Variants in PPM1A observed in about 807,000 individuals in gnomAD.
The protein encoded by PPM1A is protein phosphatase 1A.
In PPM1A, 7 loss-of-function variants were observed where a neutral mutation model predicts 35.0. The ratio of observed to expected loss-of-function variants is 0.20; its 90% CI spans 0.11 to 0.38. The LOEUF is 0.38. Among genes scored for constraint, PPM1A ranks in the 10% least tolerant of loss-of-function variants. The pLI is 1.00. For missense variants in PPM1A, 239 were observed against 467.8 expected (o/e 0.51, Z 4.51); for synonymous variants, 153 against 167.3 (o/e 0.91, Z 0.66).
chr14:60,298,447 AAT>A lies in PPM1A; in HGVS notation c.*5969_*5970del, dbSNP rs1292027639. 6.6e-6 allele frequency: 1 copy of A among 151,766 alleles called. No individual in the cohort carries two copies. The highest frequency in any genetic ancestry group is 1.9e-4 in the East Asian group (1 of 5,196). 9.4% of individuals were successfully genotyped at this position (151,766 alleles called of 1,614,324 possible). On this transcript the variant is annotated 3_prime_UTR_variant, in exon 6 of 6. Coordinates refer to ENST00000395076, the MANE Select transcript of PPM1A (RefSeq NM_021003.5). ...TGCACACAGTTAATGAGATTTCTAA[AAT>A]ATAATAAGTACAATGTAACAAACGT... is the stretch of plus-strand genomic sequence containing the variant.
intron 1 of PPM1A, chr14:60,268,366 A>G: frequency 3.1e-6 from 3 of 973,540 alleles, no homozygotes; most frequent in Non-Finnish European, 3.7e-6. Flanking sequence ...TTTCCTCCAT[A>G]TTTTCAAATT....
chr14:60,287,232 T>C, intron 3 of PPM1A: 3 of 956,554 alleles, frequency 3.1e-6, no homozygotes, highest in Non-Finnish European at 3.7e-6. Flanking sequence ...ATATTCACTT[T>C]ACGTTATTTT....
chr14:60,268,531 A>G, intron 1 of PPM1A: 1 of 370,796 alleles, frequency 2.7e-6, no homozygotes, highest in Non-Finnish European at 3.7e-6. Flanking sequence ...TATAACATGT[A>G]CTATAATTTT....
chr14:60,264,719 G>A (rs1005742524), intron 1 of PPM1A, among the ~76,000 whole-genome samples: 7 of 151,848 alleles, frequency 4.6e-5, no homozygotes, highest in Non-Finnish European at 7.4e-5. Flanking sequence ...GTTCTAGGTG[G>A]TTCCTCAGTA....
Position 60,249,902 on chromosome 14 carries a change from G to C in PPM1A, c.-21+225G>C, listed in dbSNP as rs1369498552. On this transcript the variant is annotated intron_variant, in intron 1 of 5. Transcript: ENST00000395076. This position sits in a 1 kb window ranked among gnomAD's most constrained non-coding sequence, Gnocchi z 4.5. ...GGGCGGTGGCGGGGAGGCGGGGGCGGGGTGTTAGTTGCGGTGGCGCGGGGA... is the reference window on the plus strand; with the variant it reads ...GGGCGGTGGCGGGGAGGCGGGGGCGCGGTGTTAGTTGCGGTGGCGCGGGGA... Among the ~76,000 whole-genome samples the C allele has an allele frequency of 6.6e-6, 1 of 151,562 alleles. No homozygotes were observed. Among genetic ancestry groups the C allele is most frequent in the Admixed American group, 6.6e-5 (1 of 15,238 alleles).
Position 60,267,362 on chromosome 14 carries a change from G to A in PPM1A, c.-20-15322G>A, listed in dbSNP as rs372387963. The A allele has an allele frequency of 1.2e-4, 19 of 152,126 alleles. No individual in the cohort carries two copies. In the South Asian group the frequency reaches 3.3e-3, roughly 27 times the overall value. 9.4% of individuals were successfully genotyped at this position (152,126 alleles called of 1,614,324 possible). On this transcript the variant is annotated intron_variant, in intron 1 of 5. Transcript: ENST00000395076. ...ATATGATGAGATGATCATATGGATT[G>A]TTTTTAACTTTTAAAAAGATGACTT...
chr14:60,249,270 G>A lies in PPM1A; in HGVS notation c.-428G>A, dbSNP rs1320370578. On this transcript the variant is annotated 5_prime_UTR_variant, in exon 1 of 6. Transcript: ENST00000395076. This position sits in a 1 kb window ranked among gnomAD's most constrained non-coding sequence, Gnocchi z 4.5. The stretch of plus-strand genomic sequence containing the variant: ...GGCGCTAGGGACGGGAGCGCGCGCG[G>A]GAGCTAGAGAGCAGTGGTCTCGGCG... 2.0e-6 allele frequency: 2 copies of A among 985,710 alleles called. No individual in the cohort carries two copies. The highest frequency in any genetic ancestry group is 4.5e-5 in the South Asian group (1 of 22,092). 61.1% of individuals were successfully genotyped at this position (985,710 alleles called of 1,614,324 possible). A position where few individuals can be genotyped will look rare whatever the true frequency, so the allele number is the denominator to read the frequency against.
chr14:60,261,905 C>T (rs1417998461), intron 1 of PPM1A, among the ~76,000 whole-genome samples: 1 of 152,078 alleles, frequency 6.6e-6, no homozygotes, highest in African/African-American at 2.4e-5. Context: ...AGTAAGCAGA[C>T]TGGAATTTAG....
At chr14:60,284,707 G>GTGTATATA (rs1555344240) in intron 2 of PPM1A, among the ~76,000 whole-genome samples, 1 of 143,342 alleles carries the variant, frequency 7.0e-6, no homozygotes, top group African/African-American at 2.6e-5. Flanking sequence ...ATGTGTGTGT[G>GTGTATATA]TATATATATA....
At chr14:60,287,491 G>C in intron 3 of PPM1A, 2 of 985,244 alleles carry the variant, frequency 2.0e-6, no homozygotes, top group Non-Finnish European at 2.4e-6. Context: ...TATTGTAAAA[G>C]TTGTGTGTCC....
intron 1 of PPM1A, among the ~76,000 whole-genome samples, chr14:60,274,544 C>T (rs1885523154): frequency 6.6e-6 from 1 of 151,284 alleles, no homozygotes; most frequent in African/African-American, 2.4e-5. Context: ...AAAAAACTGT[C>T]ATTTAAGACT....
upstream of PPM1A, among the ~76,000 whole-genome samples, chr14:60,249,012 A>T (rs1566562305): frequency 6.6e-6 from 1 of 151,872 alleles, no homozygotes; most frequent in Non-Finnish European, 1.5e-5. The surrounding 1 kb of genome is among the most constrained non-coding windows in gnomAD (Gnocchi z 4.5). Flanking sequence ...AGCGGCAGAG[A>T]AAGAAGCTGG....
At chr14:60,285,424 A>C (rs1256563854) in intron 2 of PPM1A, among the ~76,000 whole-genome samples, 200 bp from the exon 3 acceptor site, 1 of 152,228 alleles carries the variant, frequency 6.6e-6, no homozygotes, top group East Asian at 1.9e-4. Context: ...GTTATACTGT[A>C]TTCTCTCTAT....
chr14:60,252,949 A>G (rs1178814883), intron 1 of PPM1A, among the ~76,000 whole-genome samples: 1 of 152,180 alleles, frequency 6.6e-6, no homozygotes, highest in African/African-American at 2.4e-5. Flanking sequence ...AGCTAGAGAA[A>G]GTAAGCAATT....
chr14:60,284,193 A>G (rs930923886), intron 2 of PPM1A, among the ~76,000 whole-genome samples: 1 of 152,220 alleles, frequency 6.6e-6, no homozygotes, highest in Admixed American at 6.5e-5. Context: ...CAGCCCCTTT[A>G]TTTTACAGAT....
intron 1 of PPM1A, chr14:60,250,368 T>G: frequency 3.1e-6 from 3 of 956,400 alleles, no homozygotes; most frequent in Non-Finnish European, 3.7e-6. Context: ...TATGGTTCTG[T>G]TCTGCTTGTA....
In PPM1A at chr14:60,249,312, C is replaced by T; in HGVS notation, c.-386C>T. 2.1e-6 allele frequency: 2 copies of T among 955,232 alleles called. No individual in the cohort carries two copies. Among genetic ancestry groups the T allele is most frequent in the Non-Finnish European group, 2.4e-6 (2 of 823,838 alleles). 59.2% of individuals were successfully genotyped at this position (955,232 alleles called of 1,614,324 possible). A position where few individuals can be genotyped will look rare whatever the true frequency, so the allele number is the denominator to read the frequency against. On this transcript the variant is annotated 5_prime_UTR_variant, in exon 1 of 6. Coordinates refer to ENST00000395076, the MANE Select transcript of PPM1A (RefSeq NM_021003.5). This position sits in a 1 kb window ranked among gnomAD's most constrained non-coding sequence, Gnocchi z 4.5. ...GTCTCGGCGCTCGTCCGGCCCGCAG[C>T]TTCGGGTCCTCAGGCGGCTGTTGCT...
chr14:60,248,634 A>T (rs1017152805), upstream of PPM1A: 1 of 149,192 alleles, frequency 6.7e-6, no homozygotes, highest in African/African-American at 2.5e-5. Context: ...GCTGCCTGGG[A>T]CCCACCATGG....
chr14:60,286,773 A>C (rs1887059838), intron 3 of PPM1A: 2 of 980,138 alleles, frequency 2.0e-6, no homozygotes, highest in South Asian at 4.7e-5. Context: ...GTCTAGAGCT[A>C]CTATTTTGTT....
Sources: allele counts gnomAD v4.1 joint callset (sites outside exome capture counted in the v4.1 genomes callset), GRCh38; gene constraint gnomAD v4.1.1; non-coding constraint Gnocchi (gnomAD v3.1); transcripts MANE v1.5; gene names NCBI Gene and HGNC (gene_info 2026-07-23, HGNC 2026-07-21).